GAA: variants seen among roughly 807,000 people sequenced by gnomAD.
GAA encodes the protein lysosomal alpha-glucosidase.
In GAA, 88 loss-of-function variants were observed where a neutral mutation model predicts 103.9. The ratio of observed to expected loss-of-function variants is 0.85; its 90% CI spans 0.71 to 1.01. GAA has a LOEUF of 1.01. Ranked by LOEUF, GAA falls within the 50% of genes least tolerant of loss-of-function variation. The pLI is 0.00. For synonymous variants in GAA, 572 were observed against 563.1 expected (o/e 1.02, Z -0.22); for missense variants, 1,350 against 1,305.3 (o/e 1.03, Z -0.53).
chr17:80,119,166 T>G, intron 19 of GAA, 106 bp from the exon 20 acceptor site: 1 of 1,143,916 alleles, frequency 8.7e-7, no homozygotes, highest in Non-Finnish European at 1.3e-6. Context: ...GCGCCGGGCC[T>G]CGCTGCTGCT....
intron 11 of GAA, 63 bp downstream of exon 11, chr17:80,111,088 G>A (rs543529463): frequency 1.7e-5 from 26 of 1,490,620 alleles, no homozygotes; most frequent in South Asian, 1.4e-4. Flanking sequence ...TGTCTGGCCT[G>A]GGAGACTTAG....
intron 3 of GAA, among the ~76,000 whole-genome samples, chr17:80,106,460 C>A (rs540172773): frequency 6.6e-6 from 1 of 151,898 alleles, no homozygotes; most frequent in East Asian, 1.9e-4. Flanking sequence ...CTCTGGAAGC[C>A]AGCTGTGCAG....
chr17:80,103,946 A>G (rs1212173504), intron 1 of GAA, among the ~76,000 whole-genome samples: 3 of 152,202 alleles, frequency 2.0e-5, no homozygotes, highest in Admixed American at 1.3e-4. Context: ...GCTGACACCC[A>G]GTGGACCAAG....
Position 80,104,921 on chromosome 17 carries a change from C to T in GAA, c.335C>T (p.Pro112Leu). 1 of 1,612,406 alleles carries T rather than the reference C, an allele frequency of 6.2e-7. No homozygotes were observed. Among genetic ancestry groups the T allele is most frequent in the Non-Finnish European group, 8.5e-7 (1 of 1,179,798 alleles). ...QCEARGCCYI[P>L]AKQGLQGAQM... The stretch of plus-strand genomic sequence containing the variant: ...GAGGCCCGCGGCTGTTGCTACATCC[C>T]TGCAAAGCAGGGGCTGCAGGGAGCC... Residue 112 changes from proline (P) to leucine (L), a missense_variant, in exon 2 of 20, where the codon CCT becomes CTT. Coordinates refer to ENST00000302262, the MANE Select transcript of GAA (RefSeq NM_000152.5). The surrounding 1 kb of genome is among the most constrained non-coding windows in gnomAD (Gnocchi z 4.0).
At chr17:80,115,300 A>T (rs1416329900) in intron 15 of GAA, among the ~76,000 whole-genome samples, 1 of 151,976 alleles carries the variant, frequency 6.6e-6, no homozygotes. Flanking sequence ...GCTTAGTCTG[A>T]CTGCCCTGTC....
Position 80,112,277 on chromosome 17 carries a change from TCCTTCCCACTTCATG to T in GAA, c.1754+181_1754+195del, listed in dbSNP as rs910919902. On this transcript the variant is annotated intron_variant, in intron 12 of 19. Coordinates refer to ENST00000302262, the MANE Select transcript of GAA (RefSeq NM_000152.5). ...GCACCCCAGCCTGAAGCTGGAGCGC[TCCTTCCCACTTCATG>T]CCTGGGGCTTGGAGAGGAAGGACCC... 2.3e-5 allele frequency: 16 copies of T among 691,590 alleles called. No individual in the cohort carries two copies. The African/African-American group carries it at 2.9e-4, about 12-fold the overall frequency. The allele number at this position is 691,590 out of a possible 1,614,324, so 42.8% of individuals were successfully genotyped here. A position where few individuals can be genotyped will look rare whatever the true frequency, so the allele number is the denominator to read the frequency against.
In GAA at chr17:80,112,911, G is replaced by A. The variant is rs1567835613; in HGVS notation, c.1924G>A (p.Val642Ile). 6.2e-7 allele frequency: 1 copy of A among 1,610,610 alleles called. No homozygotes were observed. The highest frequency in any genetic ancestry group is 1.1e-5 in the South Asian group (1 of 90,328). ...GTTTAACCTGCTGGGGGTGCCTCTG[G>A]TCGGGGCCGACGTCTGCGGCTTCCT... ...LQFNLLGVPL[V>I]GADVCGFLGN... Residue 642 changes from valine to isoleucine, a missense_variant, in exon 14 of 20, where the codon GTC (valine) becomes ATC (isoleucine). By Grantham distance (29) the Val-to-Ile change is conservative (BLOSUM62 3). Coordinates refer to ENST00000302262, the MANE Select transcript of GAA (RefSeq NM_000152.5).
At chr17:80,107,926 C>T (rs749671345) in intron 5 of GAA, 30 bp downstream of exon 5, 60 of 1,570,294 alleles carry the variant, frequency 3.8e-5, no homozygotes, top group Non-Finnish European at 4.7e-5. Flanking sequence ...GCGCCCGGGC[C>T]GGGGTCTCCT....
chr17:80,113,919 G>A (rs969477557), intron 15 of GAA, among the ~76,000 whole-genome samples: 36 of 151,850 alleles, frequency 2.4e-4, no homozygotes, highest in Non-Finnish European at 4.3e-4. Flanking sequence ...TCAGGAGGCT[G>A]AGGCCAGAGA....
rs2304839 is a variant in GAA, at chr17:80,112,204, C to G, written c.1754+104C>G. On this transcript the variant is annotated intron_variant, in intron 12 of 19. Transcript: ENST00000302262. Reference sequence around the variant, plus strand: ...GGAGGAGGAAAAGCGGAGGCCCAGACCACCCGGGGCCCGCTGGCGGCCCGA... The same window carrying G: ...GGAGGAGGAAAAGCGGAGGCCCAGAGCACCCGGGGCCCGCTGGCGGCCCGA... The G allele has an allele frequency of 0.05, 58,112 of 1,168,362 alleles. 2,628 individuals carry two copies. The highest frequency in any genetic ancestry group is 0.26 in the East Asian group (10,907 of 42,604). The allele number at this position is 1,168,362 out of a possible 1,614,324, so 72.4% of individuals were successfully genotyped here. A position where few individuals can be genotyped will look rare whatever the true frequency, so the allele number is the denominator to read the frequency against.
chr17:80,104,723 C>T lies in GAA; in HGVS notation c.137C>T (p.Ser46Phe), dbSNP rs1470811257. ...GTTCCCCGAGAGCTGAGTGGCTCCT[C>T]CCCAGTCCTGGAGGAGACTCACCCA... is the stretch of plus-strand genomic sequence containing the variant. ...LLVPRELSGS[S>F]PVLEETHPAH... The change falls in exon 2 of 20, where the codon TCC (serine) becomes TTC (phenylalanine). Residue 46 changes from serine (S) to phenylalanine (F), a missense_variant. Physicochemically the swap from Ser to Phe is radical, Grantham distance 155. Transcript: ENST00000302262. This position sits in a 1 kb window ranked among gnomAD's most constrained non-coding sequence, Gnocchi z 4.0. 1 of 1,612,348 alleles carries T rather than the reference C, an allele frequency of 6.2e-7. No individual in the cohort carries two copies. The highest frequency in any genetic ancestry group is 1.7e-5 in the Admixed American group (1 of 59,952).
intron 19 of GAA, 39 bp from the exon 20 acceptor site, chr17:80,119,233 G>T: frequency 6.2e-7 from 1 of 1,602,832 alleles, no homozygotes; most frequent in South Asian, 1.1e-5. Context: ...ACTGCTGCTG[G>T]GATCTCGGGC....
At chr17:80,116,440 G>A (rs1473161212) in intron 15 of GAA, among the ~76,000 whole-genome samples, 2 of 152,226 alleles carry the variant, frequency 1.3e-5, no homozygotes, top group Admixed American at 1.3e-4. Context: ...ACGTCCGGGG[G>A]CAGGAAACAG....
chr17:80,118,546 C>A, intron 18 of GAA, 107 bp from the exon 19 acceptor site: 2 of 1,468,824 alleles, frequency 1.4e-6, no homozygotes, highest in Non-Finnish European at 1.9e-6. Context: ...AGGGAGGTCA[C>A]CTCCCTGATG....
In GAA at chr17:80,102,647, G is replaced by A. The variant is rs28413147; in HGVS notation, c.-33+757G>A. On this transcript the variant is annotated intron_variant, in intron 1 of 19. Coordinates refer to ENST00000302262, the MANE Select transcript of GAA (RefSeq NM_000152.5). ...TGCGAGCAGAGAGCACAGCATCACT[G>A]CCCCCACCTCACACCAGGCCCTACG... 8,829 of 152,240 alleles carry A rather than the reference G, an allele frequency of 0.058. 505 individuals carry two copies. Among genetic ancestry groups the A allele is most frequent in the South Asian group, 0.15 (716 of 4,820 alleles). 9.4% of individuals were successfully genotyped at this position (152,240 alleles called of 1,614,324 possible).
intron 15 of GAA, 169 bp from the exon 16 acceptor site, chr17:80,116,799 A>G (rs1040683763): frequency 1.7e-5 from 12 of 701,588 alleles, no homozygotes; most frequent in African/African-American, 1.1e-4. Context: ...ATTGACTTCT[A>G]TCTGCTGGAA....
chr17:80,116,728 T>G (rs1434228889), intron 15 of GAA: 1 of 571,812 alleles, frequency 1.7e-6, no homozygotes, highest in African/African-American at 1.9e-5. Flanking sequence ...CACAAGCCCC[T>G]ATTCCTGCCC....
rs145866792 is a variant in GAA at position 80,105,890 on chromosome 17, G to C, written c.688G>C (p.Val230Leu). Reference protein sequence around the residue: ...VIVRRQLDGRVLLNTTVAPLF... With the variant: ...VIVRRQLDGRLLLNTTVAPLF... ...CGTGCGCCGGCAGCTGGACGGCCGC[G>C]TGCTGTGAGTTCTGGGCTCTGTGCC... is the stretch of plus-strand genomic sequence containing the variant. Residue 230 changes from valine (V) to leucine (L), a missense_variant, in exon 3 of 20, where the codon GTG (valine) becomes CTG (leucine). By Grantham distance (32) the Val-to-Leu change is conservative. Transcript: ENST00000302262. The C allele has an allele frequency of 2.5e-6, 4 of 1,594,610 alleles. No individual in the cohort carries two copies. In the African/African-American group the frequency reaches 5.3e-5, roughly 21 times the overall value.
Position 80,113,587 on chromosome 17 carries a change from A to C in GAA, c.2189+221A>C, listed in dbSNP as rs79163810. Among the ~76,000 whole-genome samples, 819 of 152,352 alleles carry C rather than the reference A, an allele frequency of 5.4e-3. 11 individuals carry two copies. Among genetic ancestry groups the C allele is most frequent in the African/African-American group, 0.019 (783 of 41,582 alleles). On this transcript the variant is annotated intron_variant, in intron 15 of 19. Transcript: ENST00000302262. ...GTACACACGAGGAGTTCCTAACAAC[A>C]GCCCTGCACATCAGTGTGTTGAGGG...
Sources: allele counts gnomAD v4.1 joint callset (sites outside exome capture counted in the v4.1 genomes callset), GRCh38; gene constraint gnomAD v4.1.1; non-coding constraint Gnocchi (gnomAD v3.1); transcripts MANE v1.5; gene names NCBI Gene and HGNC (gene_info 2026-07-23, HGNC 2026-07-21).